The following MRRF variants were observed in gnomAD, a reference collection of about 807,000 sequenced individuals.
MRRF encodes mitochondrial ribosome recycling factor.
A neutral mutation model predicts 25.1 loss-of-function variants in MRRF; 18 were observed. The observed-to-expected ratio is 0.72, with a 90% CI of 0.50 to 1.06. MRRF has a LOEUF of 1.06. Ranked by LOEUF, MRRF falls within the 50% of genes least tolerant of loss-of-function variation. MRRF has a pLI of 0.00. For missense variants in MRRF, 323 were observed against 319.3 expected, an observed-to-expected ratio of 1.01 and a Z score of -0.09; for synonymous variants, 113 against 112.1, an observed-to-expected ratio of 1.01 and a Z score of -0.05.
intron 4 of MRRF, among the ~76,000 whole-genome samples, chr9:122,289,769 T>TA (rs1426470270): frequency 6.6e-6 from 1 of 152,036 alleles, no homozygotes; most frequent in East Asian, 1.9e-4. Flanking sequence ...CTCATGCTTA[T>TA]AAAATCCCAG....
intron 5 of MRRF, among the ~76,000 whole-genome samples, chr9:122,312,589 A>G (rs73557044): frequency 0.026 from 3,959 of 152,246 alleles, 151 homozygotes; most frequent in African/African-American, 0.086. Context: ...CCATTTCAGG[A>G]CCCAGGGGGC....
At chr9:122,277,981 T>A (rs1588016688) in intron 2 of MRRF, among the ~76,000 whole-genome samples, 1 of 152,174 alleles carries the variant, frequency 6.6e-6, no homozygotes, top group Non-Finnish European at 1.5e-5. Flanking sequence ...GTTACATGCA[T>A]AAATGATTTA....
chr9:122,297,835 C>T (rs1434608345), intron 5 of MRRF, among the ~76,000 whole-genome samples: 1 of 152,214 alleles, frequency 6.6e-6, no homozygotes, highest in Non-Finnish European at 1.5e-5. Context: ...ATCTGCAACA[C>T]ACCCAAGTGA....
intron 5 of MRRF, among the ~76,000 whole-genome samples, chr9:122,306,392 G>A (rs188367477): frequency 1.7e-4 from 26 of 152,254 alleles, no homozygotes; most frequent in Admixed American, 5.9e-4. Context: ...AAGAGGGACC[G>A]AATGGGAACA....
chr9:122,296,289 G>A (rs979756418), intron 5 of MRRF, among the ~76,000 whole-genome samples: 11 of 152,050 alleles, frequency 7.2e-5, no homozygotes, highest in African/African-American at 2.4e-4. Context: ...CAACTGGATT[G>A]GTTTTTTTGG....
rs1564522902 is a variant in MRRF at position 122,326,633 on chromosome 9, T to C, written c.*4016T>C. Reference sequence around the variant, plus strand: ...ATTATTTCACATGCATTGGAGAATGTTTAAAGATGATTTTTTTTTTTAAGA... The same window carrying C: ...ATTATTTCACATGCATTGGAGAATGCTTAAAGATGATTTTTTTTTTTAAGA... On this transcript the variant is annotated 3_prime_UTR_variant, in exon 7 of 7. Coordinates refer to ENST00000344641, the MANE Select transcript of MRRF (RefSeq NM_138777.5). 3 of 152,144 alleles carry C rather than the reference T, an allele frequency of 2.0e-5. No homozygotes were observed. Among genetic ancestry groups the C allele is most frequent in the Admixed American group, 1.3e-4 (2 of 15,278 alleles). The allele number at this position is 152,144 out of a possible 1,614,324, so 9.4% of individuals were successfully genotyped here.
intron 3 of MRRF, among the ~76,000 whole-genome samples, chr9:122,283,704 G>C (rs1015395058): frequency 2.0e-5 from 3 of 152,168 alleles, no homozygotes; most frequent in African/African-American, 7.2e-5. Flanking sequence ...ACTCCAATTT[G>C]TTTAAGACTC....
intron 1 of MRRF, chr9:122,265,661 C>G: frequency 1.1e-6 from 1 of 873,076 alleles, no homozygotes; most frequent in Non-Finnish European, 1.6e-6. Flanking sequence ...ATGGTTGAAA[C>G]AAAATCTACG....
At position 122,312,315 on chromosome 9, in the gene MRRF, A is replaced by C. The variant is rs183353555; in HGVS notation, c.552-912A>C. On this transcript the variant is annotated intron_variant, in intron 5 of 6. Coordinates refer to ENST00000344641, the MANE Select transcript of MRRF (RefSeq NM_138777.5). ...CATAGAACGGTTTAATAATAGTAGT[A>C]ATTAGACTCATTGTTGTTTTGAGAA... Among the ~76,000 whole-genome samples, 77 of 152,322 alleles carry C rather than the reference A, an allele frequency of 5.1e-4. No homozygotes were observed. In the East Asian group the frequency reaches 0.011, roughly 22 times the overall value.
chr9:122,318,474 C>G (rs866805666), intron 6 of MRRF, among the ~76,000 whole-genome samples: 1 of 152,198 alleles, frequency 6.6e-6, no homozygotes, highest in South Asian at 2.1e-4. Flanking sequence ...GCTAGCAGAG[C>G]TAAAGGAGGG....
chr9:122,305,763 A>G (rs1174939634), intron 5 of MRRF, among the ~76,000 whole-genome samples: 1 of 152,088 alleles, frequency 6.6e-6, no homozygotes, highest in South Asian at 2.1e-4. Flanking sequence ...TTAATTGTTT[A>G]CTGTGTCTGT....
chr9:122,322,667 C>A lies in MRRF; in HGVS notation c.*50C>A. 1 of 1,542,754 alleles carries A rather than the reference C, an allele frequency of 6.5e-7. No individual in the cohort carries two copies. The highest frequency in any genetic ancestry group is 9.0e-7 in the Non-Finnish European group (1 of 1,117,068). ...CCAGAGCCCAGTTTCTGCTGGATCCCATGGGTGGCACATTGGGACTTCTCT... is the reference window on the plus strand; with the variant it reads ...CCAGAGCCCAGTTTCTGCTGGATCCAATGGGTGGCACATTGGGACTTCTCT... On this transcript the variant is annotated 3_prime_UTR_variant, in exon 7 of 7. Transcript: ENST00000344641.
At chr9:122,308,582 C>T (rs1016203285) in intron 5 of MRRF, among the ~76,000 whole-genome samples, 1 of 151,170 alleles carries the variant, frequency 6.6e-6, no homozygotes, top group African/African-American at 2.4e-5. Context: ...GACTGTAATC[C>T]CAGCTACTCA....
chr9:122,293,028 C>T (rs778009691), intron 5 of MRRF, among the ~76,000 whole-genome samples: 4 of 152,124 alleles, frequency 2.6e-5, no homozygotes, highest in Non-Finnish European at 4.4e-5. Flanking sequence ...CTCTCTTCCT[C>T]GGGCTTCCCT....
Position 122,265,404 on chromosome 9 carries a change from G to A in MRRF, c.-29+466G>A, listed in dbSNP as rs144006749. ...CAGTGGCAAAACAGTTGTCATTTCA[G>A]TAGCCCTTCTCCATTTACTTAACCC... is the stretch of plus-strand genomic sequence containing the variant. On this transcript the variant is annotated intron_variant, in intron 1 of 6. Transcript: ENST00000344641. 6 of 255,786 alleles carry A rather than the reference G, an allele frequency of 2.3e-5. No individual in the cohort carries two copies. In the East Asian group the frequency reaches 5.5e-4, roughly 24 times the overall value. 15.8% of individuals were successfully genotyped at this position (255,786 alleles called of 1,614,324 possible).
chr9:122,295,074 G>A (rs1247452174), intron 5 of MRRF, among the ~76,000 whole-genome samples: 1 of 152,152 alleles, frequency 6.6e-6, no homozygotes, highest in East Asian at 1.9e-4. Flanking sequence ...CTGCTTTTTA[G>A]CTGTGTGACA....
At chr9:122,274,892 T>C (rs1202755222) in intron 2 of MRRF, among the ~76,000 whole-genome samples, 1 of 152,094 alleles carries the variant, frequency 6.6e-6, no homozygotes, top group Admixed American at 6.5e-5. Flanking sequence ...TTATGATTTC[T>C]GTTCTTTATT....
chr9:122,271,442 G>C (rs946282791), intron 2 of MRRF, among the ~76,000 whole-genome samples: 3 of 152,226 alleles, frequency 2.0e-5, no homozygotes, highest in Non-Finnish European at 4.4e-5. Context: ...ATTAAGACCA[G>C]AAGGTGGTTG....
chr9:122,274,083 C>CTT (rs1371854405), intron 2 of MRRF, among the ~76,000 whole-genome samples: 2 of 152,166 alleles, frequency 1.3e-5, no homozygotes, highest in Non-Finnish European at 2.9e-5. Context: ...CCTCCCCTCA[C>CTT]TGTCATTGGA....
Sources: gnomAD v4.1 joint callset for allele counts (sites outside exome capture counted in the v4.1 genomes callset) on GRCh38, gnomAD v4.1.1 for gene constraint, MANE v1.5 for transcripts, NCBI Gene and HGNC (gene_info 2026-07-23, HGNC 2026-07-21) for gene names.